Variants in NEDD4L observed in about 807,000 individuals in gnomAD.
NEDD4L encodes NEDD4 like E3 ubiquitin protein ligase.
NEDD4L carries 54 observed loss-of-function variants against 148.9 expected under a neutral mutation model. The ratio of observed to expected loss-of-function variants is 0.36; its 90% CI spans 0.29 to 0.45. The LOEUF is 0.45. NEDD4L is among the 20% of genes least tolerant of loss of function. NEDD4L has a pLI of 1.00. For synonymous variants in NEDD4L, 433 were observed against 440.7 expected (o/e 0.98, Z 0.22); for missense variants, 856 against 1,233.8 (o/e 0.69, Z 4.59).
intron 2 of NEDD4L, among the ~76,000 whole-genome samples, chr18:58,220,819 A>C (rs1486256721): frequency 1.3e-5 from 2 of 152,124 alleles, no homozygotes; most frequent in Admixed American, 1.3e-4. Flanking sequence ...CAGAGAGCAC[A>C]TGTTTGACTT....
rs57080462 is a variant in NEDD4L at position 58,080,248 on chromosome 18, C to A, written c.48+35540C>A. ...CTAGGATTCTCTGTAGATGGGGAGC[C>A]CACCTGGGTGAGATGCCAGACACCT... On this transcript the variant is annotated intron_variant, in intron 1 of 30. Transcript: ENST00000400345. Among the ~76,000 whole-genome samples, 387 of 152,318 alleles carry A rather than the reference C, an allele frequency of 2.5e-3. 2 individuals carry two copies. Among genetic ancestry groups the A allele is most frequent in the African/African-American group, 9.0e-3 (374 of 41,568 alleles).
intron 12 of NEDD4L, among the ~76,000 whole-genome samples, chr18:58,335,092 C>G (rs1173389676): frequency 6.6e-6 from 1 of 152,198 alleles, no homozygotes; most frequent in East Asian, 1.9e-4. Flanking sequence ...CTCCCTCTTT[C>G]TTTGTACTTT....
chr18:58,128,883 A>G (rs1329382345), intron 1 of NEDD4L, among the ~76,000 whole-genome samples: 2 of 152,156 alleles, frequency 1.3e-5, no homozygotes, highest in East Asian at 3.9e-4. Context: ...ACTGTTAATG[A>G]TTTTCTACCT....
At chr18:58,229,588 G>T (rs543975083) in intron 2 of NEDD4L, among the ~76,000 whole-genome samples, 8 of 152,124 alleles carry the variant, frequency 5.3e-5, no homozygotes, top group Non-Finnish European at 1.2e-4. Flanking sequence ...AAAATTTGAG[G>T]TTAATCACAA....
intron 1 of NEDD4L, among the ~76,000 whole-genome samples, chr18:58,146,686 C>T (rs2034130522): frequency 6.6e-6 from 1 of 152,102 alleles, no homozygotes. Context: ...AGAATGAAGA[C>T]TTGGTGCAGT....
chr18:58,309,904 T>A (rs1372763472), intron 5 of NEDD4L, among the ~76,000 whole-genome samples: 1 of 151,718 alleles, frequency 6.6e-6, no homozygotes, highest in Admixed American at 6.6e-5. Flanking sequence ...CACAAAGGAG[T>A]GTCTTCTCAC....
At chr18:58,317,529 G>C (rs2058402494) in intron 6 of NEDD4L, among the ~76,000 whole-genome samples, 1 of 152,166 alleles carries the variant, frequency 6.6e-6, no homozygotes, top group Admixed American at 6.5e-5. Flanking sequence ...TCTAATATTT[G>C]GTAAGAGGCA....
At chr18:58,078,207 G>C (rs2083267554) in intron 1 of NEDD4L, among the ~76,000 whole-genome samples, 1 of 152,148 alleles carries the variant, frequency 6.6e-6, no homozygotes, top group Non-Finnish European at 1.5e-5. Flanking sequence ...GCTCCAGAAA[G>C]TACCTAATTT....
Position 58,185,933 on chromosome 18 carries a change from C to T in NEDD4L, c.122+20072C>T, listed in dbSNP as rs539557724. Reference sequence around the variant, plus strand: ...AAATAAAATGATGAATGCCTGTACTCTTAGACCCAGCACTCCCAGTTCTGC... The same window carrying T: ...AAATAAAATGATGAATGCCTGTACTTTTAGACCCAGCACTCCCAGTTCTGC... On this transcript the variant is annotated intron_variant, in intron 2 of 30. Coordinates refer to ENST00000400345, the MANE Select transcript of NEDD4L (RefSeq NM_001144967.3). Among the ~76,000 whole-genome samples, 47 of 152,210 alleles carry T rather than the reference C, an allele frequency of 3.1e-4. No homozygotes were observed. The South Asian group carries it at 9.2e-3, about 30-fold the overall frequency.
chr18:58,085,679 A>G (rs2083725181), intron 1 of NEDD4L, among the ~76,000 whole-genome samples: 1 of 152,242 alleles, frequency 6.6e-6, no homozygotes, highest in Non-Finnish European at 1.5e-5. Flanking sequence ...TTGGTAAGAT[A>G]CATGGAGTGT....
At chr18:58,268,276 C>T (rs1417117770) in intron 5 of NEDD4L, among the ~76,000 whole-genome samples, 4 of 151,910 alleles carry the variant, frequency 2.6e-5, no homozygotes, top group African/African-American at 4.8e-5. Flanking sequence ...GTGGCCCTGT[C>T]GTGTAGATGA....
intron 3 of NEDD4L, among the ~76,000 whole-genome samples, chr18:58,246,243 C>A (rs1386551453): frequency 6.6e-6 from 1 of 152,034 alleles, no homozygotes; most frequent in East Asian, 1.9e-4. Flanking sequence ...ATTTAAAATA[C>A]ATTTAATGAA....
chr18:58,062,643 A>G (rs2082384125), intron 1 of NEDD4L, among the ~76,000 whole-genome samples: 1 of 152,164 alleles, frequency 6.6e-6, no homozygotes, highest in Non-Finnish European at 1.5e-5. Context: ...TCCCATGTTC[A>G]TATTCGCATG....
intron 2 of NEDD4L, among the ~76,000 whole-genome samples, chr18:58,223,860 G>C (rs975543056): frequency 6.6e-6 from 1 of 152,146 alleles, no homozygotes; most frequent in Non-Finnish European, 1.5e-5. Flanking sequence ...GTTCCCAGTG[G>C]CCCAGAATTC....
chr18:58,155,329 A>G (rs1410568552), intron 1 of NEDD4L, among the ~76,000 whole-genome samples: 2 of 151,964 alleles, frequency 1.3e-5, no homozygotes, highest in African/African-American at 2.4e-5. Flanking sequence ...AAAAAAAAAA[A>G]CGCTCCAAGT....
chr18:58,348,997 G>A (rs537077827), intron 16 of NEDD4L, among the ~76,000 whole-genome samples: 63 of 152,240 alleles, frequency 4.1e-4, no homozygotes, highest in African/African-American at 1.4e-3. Context: ...TGATGAAAGC[G>A]ACTCTCCCTG....
intron 2 of NEDD4L, among the ~76,000 whole-genome samples, chr18:58,224,647 C>G (rs530236841): frequency 3.3e-5 from 5 of 152,318 alleles, no homozygotes; most frequent in African/African-American, 1.2e-4. Flanking sequence ...TTTAGCTTAA[C>G]TCATTCAAAA....
At chr18:58,325,469 A>G (rs191723238) in intron 9 of NEDD4L, among the ~76,000 whole-genome samples, 1 of 152,252 alleles carries the variant, frequency 6.6e-6, no homozygotes, top group Admixed American at 6.5e-5. Flanking sequence ...CTTATTTTAC[A>G]TTTGTTGATT....
chr18:58,290,407 G>C (rs967659411), intron 5 of NEDD4L, among the ~76,000 whole-genome samples: 11 of 148,702 alleles, frequency 7.4e-5, no homozygotes, highest in Admixed American at 6.0e-4. Context: ...AGGTAAAATA[G>C]ATGATACTAT....
Sources: gnomAD v4.1 joint callset for allele counts (sites outside exome capture counted in the v4.1 genomes callset) on GRCh38, gnomAD v4.1.1 for gene constraint, MANE v1.5 for transcripts, NCBI Gene and HGNC (gene_info 2026-07-23, HGNC 2026-07-21) for gene names.